KCNIP4: variants seen among roughly 807,000 people sequenced by gnomAD.
The protein encoded by KCNIP4 is Kv channel-interacting protein 4.
KCNIP4 carries 12 observed loss-of-function variants against 34.0 expected under a neutral mutation model. The observed-to-expected ratio is 0.35, with a 90% confidence interval of 0.23 to 0.57. The LOEUF (loss-of-function observed/expected upper bound fraction) is 0.57, where lower values mean the gene tolerates loss of function less well. Among genes scored for constraint, KCNIP4 ranks in the 20% least tolerant of loss-of-function variants. The probability of loss-of-function intolerance (pLI) is 0.83; values close to 1 mark genes in which losing one functional copy is unlikely to be tolerated. For synonymous variants in KCNIP4, 124 were observed against 102.2 expected (o/e 1.21, Z -1.29); for missense variants, 238 against 311.7 (o/e 0.76, Z 1.78).
chr4:21,020,777 A>C (rs1739961327), intron 1 of KCNIP4, among the ~76,000 whole-genome samples: 1 of 152,158 alleles, frequency 6.6e-6, no homozygotes, highest in African/African-American at 2.4e-5. Context: ...GATTGAGTGA[A>C]TGAATAGAGA....
At chr4:20,995,142 G>A (rs1023819174) in intron 1 of KCNIP4, among the ~76,000 whole-genome samples, 2 of 152,078 alleles carry the variant, frequency 1.3e-5, no homozygotes, top group African/African-American at 4.8e-5. Context: ...AGACTAAAAA[G>A]GTTTGCATGA....
At chr4:21,694,306 GGT>G (rs1560636364) in intron 1 of KCNIP4, among the ~76,000 whole-genome samples, 1 of 151,962 alleles carries the variant, frequency 6.6e-6, no homozygotes, top group Non-Finnish European at 1.5e-5. Context: ...AATATGATAT[GGT>G]ACATCAAGAG....
rs371825440 is a variant in KCNIP4, at chr4:21,806,515, A to G, written c.61+142056T>C. Among the ~76,000 whole-genome samples, 28 of 152,344 alleles carry G rather than the reference A, an allele frequency of 1.8e-4. 1 individual carries two copies. In the South Asian group the frequency reaches 3.5e-3, roughly 19 times the overall value. On this transcript the variant is annotated intron_variant, in intron 1 of 8. Coordinates refer to ENST00000382152, the MANE Select transcript of KCNIP4 (RefSeq NM_025221.6). ...GAAGAATCTTGTTACAACCTATGCA[A>G]AAGAGGGAGATGACTGATTAATATT...
intron 1 of KCNIP4, among the ~76,000 whole-genome samples, chr4:21,207,778 CCACT>C (rs1756942811): frequency 2.0e-5 from 3 of 151,830 alleles, no homozygotes; most frequent in African/African-American, 7.2e-5. Context: ...TCAGTTATTT[CCACT>C]TCTAAAAATT....
At chr4:21,797,226 C>T (rs1720683397) in intron 1 of KCNIP4, among the ~76,000 whole-genome samples, 1 of 152,180 alleles carries the variant, frequency 6.6e-6, no homozygotes, top group South Asian at 2.1e-4. Context: ...TAGCTCAGTG[C>T]AGCTTCACGC....
chr4:20,965,676 T>G (rs1234986822), intron 1 of KCNIP4, among the ~76,000 whole-genome samples: 1 of 152,234 alleles, frequency 6.6e-6, no homozygotes, highest in African/African-American at 2.4e-5. Context: ...TTCCTATTAT[T>G]GTAAAATGTG....
At chr4:21,657,989 G>A (rs1232800909) in intron 1 of KCNIP4, among the ~76,000 whole-genome samples, 1 of 151,962 alleles carries the variant, frequency 6.6e-6, no homozygotes, top group Non-Finnish European at 1.5e-5. Flanking sequence ...ACAGGCACGT[G>A]TCACCACACC....
chr4:20,926,052 A>G (rs985725677), intron 1 of KCNIP4, among the ~76,000 whole-genome samples: 1 of 152,268 alleles, frequency 6.6e-6, no homozygotes, highest in Admixed American at 6.5e-5. Flanking sequence ...TCAGGTGTTC[A>G]GTATCAATTA....
chr4:21,374,337 GGCA>G (rs1720770541), intron 1 of KCNIP4, among the ~76,000 whole-genome samples: 1 of 147,172 alleles, frequency 6.8e-6, no homozygotes. Flanking sequence ...CAACTTACAT[GGCA>G]GCAGGCAAGA....
At chr4:21,894,672 T>C (rs1727284181) in intron 1 of KCNIP4, among the ~76,000 whole-genome samples, 2 of 152,246 alleles carry the variant, frequency 1.3e-5, no homozygotes, top group African/African-American at 2.4e-5. Context: ...TGTTATTTTA[T>C]CACTTATAAA....
At position 21,826,488 on chromosome 4, in the gene KCNIP4, T is replaced by TA. The variant is rs199501305; in HGVS notation, c.61+122082dup. ...TGTATCACTAAAACAGTAACAACAA[T>TA]AAAAAAAATACAGAACTAGTCAACA... On this transcript the variant is annotated intron_variant, in intron 1 of 8. Transcript: ENST00000382152. 2.5e-3 allele frequency among the ~76,000 whole-genome samples: 377 copies of TA among 151,776 alleles called. 3 individuals carry two copies. The highest frequency in any genetic ancestry group is 0.013 in the South Asian group (61 of 4,806).
At chr4:21,556,748 C>G (rs1486167121) in intron 1 of KCNIP4, among the ~76,000 whole-genome samples, 1 of 151,514 alleles carries the variant, frequency 6.6e-6, no homozygotes, top group African/African-American at 2.4e-5. Context: ...TGGTGAAACC[C>G]CATCTTTACT....
chr4:21,286,244 T>C (rs1308558364), intron 1 of KCNIP4, among the ~76,000 whole-genome samples: 1 of 152,190 alleles, frequency 6.6e-6, no homozygotes, highest in African/African-American at 2.4e-5. Flanking sequence ...TTGGACAACA[T>C]TGTGTATGCA....
chr4:21,946,733 T>G (rs1403917765), intron 1 of KCNIP4, among the ~76,000 whole-genome samples: 1 of 152,188 alleles, frequency 6.6e-6, no homozygotes, highest in Non-Finnish European at 1.5e-5. Context: ...GAAACAGGTG[T>G]CAAATCAATT....
chr4:21,943,031 T>G (rs1730293700), intron 1 of KCNIP4, among the ~76,000 whole-genome samples: 2 of 152,318 alleles, frequency 1.3e-5, no homozygotes, highest in Middle Eastern at 3.4e-3. Flanking sequence ...AGTGCTGAGA[T>G]TACAAGTGTG....
intron 1 of KCNIP4, among the ~76,000 whole-genome samples, chr4:20,900,235 TAACTAAAC>T (rs1285359085): frequency 6.6e-6 from 1 of 152,146 alleles, no homozygotes; most frequent in East Asian, 1.9e-4. Flanking sequence ...AAATATGCTA[TAACTAAAC>T]ATTGAAAAAG....
chr4:20,774,035 G>A (rs1265408127), intron 3 of KCNIP4, among the ~76,000 whole-genome samples: 1 of 152,128 alleles, frequency 6.6e-6, no homozygotes, highest in Non-Finnish European at 1.5e-5. Context: ...TTTAACAGGG[G>A]AACATTTTAA....
intron 1 of KCNIP4, among the ~76,000 whole-genome samples, chr4:21,897,290 G>T (rs967778708): frequency 6.6e-6 from 1 of 151,988 alleles, no homozygotes; most frequent in Non-Finnish European, 1.5e-5. Flanking sequence ...TATTTCAGAA[G>T]TTCTAATAAG....
chr4:21,523,738 AT>A (rs1229655278), intron 1 of KCNIP4, among the ~76,000 whole-genome samples: 1 of 151,660 alleles, frequency 6.6e-6, no homozygotes, highest in Non-Finnish European at 1.5e-5. Context: ...CACCTGGGTA[AT>A]TTTTTTATTA....
Sources: allele counts gnomAD v4.1 joint callset (sites outside exome capture counted in the v4.1 genomes callset), GRCh38; gene constraint gnomAD v4.1.1; transcripts MANE v1.5; gene names NCBI Gene and HGNC (gene_info 2026-07-23, HGNC 2026-07-21).